DNAH6: variants seen among roughly 807,000 people sequenced by gnomAD.
DNAH6 encodes dynein axonemal heavy chain 6.
DNAH6 carries 340 observed loss-of-function variants against 491.4 expected under a neutral mutation model. The ratio of observed to expected loss-of-function variants is 0.69; its 90% CI spans 0.63 to 0.76. The LOEUF (loss-of-function observed/expected upper bound fraction) is 0.76. DNAH6 is among the 30% of genes least tolerant of loss of function. The probability of loss-of-function intolerance (pLI) is 0.00; values close to 1 mark genes in which losing one functional copy is unlikely to be tolerated. For synonymous variants in DNAH6, 1,603 were observed against 1,686.1 expected (o/e 0.95, Z 1.21); for missense variants, 4,443 against 4,972.2 (o/e 0.89, Z 3.20).
At chr2:84,799,146 C>G (rs565887576) in intron 70 of DNAH6, among the ~76,000 whole-genome samples, 1 of 152,252 alleles carries the variant, frequency 6.6e-6, no homozygotes, top group African/African-American at 2.4e-5. Context: ...TGTCATCATG[C>G]CCAGCTAATT....
chr2:84,572,817 G>A (rs1258848465), intron 11 of DNAH6, among the ~76,000 whole-genome samples: 1 of 152,200 alleles, frequency 6.6e-6, no homozygotes, highest in East Asian at 1.9e-4. Flanking sequence ...CCAACAGCAA[G>A]TGAATCCTAA....
At chr2:84,480,585 CAACA>C in the DNAH6 span, among the ~76,000 whole-genome samples, 1 of 152,178 alleles carries the variant, frequency 6.6e-6, no homozygotes. Context: ...AGTAAATACT[CAACA>C]GATGTAGACC....
In DNAH6 at chr2:84,715,637, CAG is replaced by C. The variant is rs775964534; in HGVS notation, c.9611+11_9611+12del. 1.5e-5 allele frequency: 23 copies of C among 1,550,492 alleles called. No homozygotes were observed. In the South Asian group the frequency reaches 2.3e-4, roughly 15 times the overall value. The stretch of plus-strand genomic sequence containing the variant: ...AGGATCAGTTGTTAAGGTAAAAAAA[CAG>C]GGAGTTGAGGGGAGGGAAGGGGGTA... On this transcript the variant is annotated intron_variant, in intron 58 of 76. Coordinates refer to ENST00000389394, the MANE Select transcript of DNAH6 (RefSeq NM_001370.2).
At chr2:84,654,244 G>C (rs1028801687) in intron 34 of DNAH6, among the ~76,000 whole-genome samples, 1 of 152,098 alleles carries the variant, frequency 6.6e-6, no homozygotes, top group African/African-American at 2.4e-5. Flanking sequence ...TTTGATGAGG[G>C]ATTGGGAGAG....
At chr2:84,658,248 A>G (rs1434009820) in intron 35 of DNAH6, 44 bp from the exon 36 acceptor site, 2 of 1,311,242 alleles carry the variant, frequency 1.5e-6, no homozygotes, top group Non-Finnish European at 2.0e-6. Context: ...ACTTAATTAT[A>G]TATTTATCAG....
At position 84,723,165 on chromosome 2, in the gene DNAH6, T is replaced by C. The variant is rs1698322342; in HGVS notation, c.9972+361T>C. On this transcript the variant is annotated intron_variant, in intron 60 of 76. Transcript: ENST00000389394. ...ATTGCTTAAACCCAGGAGGTGGATG[T>C]TTCAATGAGCCAAGATCGTGCCACT... Among the ~76,000 whole-genome samples the C allele has an allele frequency of 2.0e-5, 3 of 152,216 alleles. 1 individual carries two copies. The highest frequency in any genetic ancestry group is 3.4e-3 in the Middle Eastern group (1 of 294).
chr2:84,496,865 C>A, the DNAH6 span, among the ~76,000 whole-genome samples: 1 of 152,106 alleles, frequency 6.6e-6, no homozygotes, highest in Non-Finnish European at 1.5e-5. Context: ...AGTTAATCTC[C>A]TACCCCTCTC....
the DNAH6 span, among the ~76,000 whole-genome samples, chr2:84,462,280 TGA>T: frequency 3.5e-4 from 54 of 152,358 alleles, no homozygotes; most frequent in Non-Finnish European, 5.9e-5. Context: ...AGTGGAAGGC[TGA>T]TCAAGGACTC....
At chr2:84,714,535 T>C (rs182361100) in intron 57 of DNAH6, among the ~76,000 whole-genome samples, 176 of 152,218 alleles carry the variant, frequency 1.2e-3, no homozygotes, top group African/African-American at 4.1e-3. Context: ...AGATTTAGTA[T>C]ATAATAGTGC....
intron 64 of DNAH6, among the ~76,000 whole-genome samples, chr2:84,767,957 A>T (rs545579360): frequency 1.2e-4 from 19 of 152,316 alleles, no homozygotes; most frequent in Middle Eastern, 3.4e-3. Context: ...CTGCAGAAAT[A>T]ATGAAATCTG....
At chr2:84,573,023 C>T (rs2103943716) in intron 11 of DNAH6, among the ~76,000 whole-genome samples, 1 of 152,234 alleles carries the variant, frequency 6.6e-6, no homozygotes, top group Middle Eastern at 3.4e-3. Context: ...AAGAGACTGG[C>T]CAATGCCAAA....
chr2:84,711,921 A>G (rs949662758), intron 56 of DNAH6, among the ~76,000 whole-genome samples: 3 of 152,238 alleles, frequency 2.0e-5, no homozygotes, highest in African/African-American at 7.2e-5. Flanking sequence ...ATCCTGAGGG[A>G]CTTTCCTCTT....
chr2:84,763,030 G>A, intron 64 of DNAH6, 85 bp downstream of exon 64: 2 of 992,350 alleles, frequency 2.0e-6, no homozygotes, highest in Middle Eastern at 2.1e-4. Context: ...TCCCCTTGTA[G>A]AGCATAAATT....
At chr2:84,663,365 T>G (rs1444832302) in intron 37 of DNAH6, among the ~76,000 whole-genome samples, 1 of 152,052 alleles carries the variant, frequency 6.6e-6, no homozygotes, top group African/African-American at 2.4e-5. Flanking sequence ...ATTAGACAAA[T>G]GACTGACTAG....
chr2:84,793,264 A>C (rs1209389637), intron 68 of DNAH6, among the ~76,000 whole-genome samples: 2 of 152,182 alleles, frequency 1.3e-5, no homozygotes, highest in Non-Finnish European at 2.9e-5. Context: ...TTCTAAGAAG[A>C]CCAAAGCCAG....
the DNAH6 span, among the ~76,000 whole-genome samples, chr2:84,509,691 A>G: frequency 1.3e-5 from 2 of 152,154 alleles, no homozygotes; most frequent in East Asian, 1.9e-4. Context: ...ACAATTTGGC[A>G]TGTCTTTGCA....
At chr2:84,735,142 C>G (rs1699433028) in intron 62 of DNAH6, among the ~76,000 whole-genome samples, 1 of 152,152 alleles carries the variant, frequency 6.6e-6, no homozygotes, top group Non-Finnish European at 1.5e-5. Flanking sequence ...TAAGTGAGAC[C>G]ATACAGTATT....
rs1167240170 is a variant in DNAH6 at position 84,668,836 on chromosome 2, GTGTGTGTGTGTGTGTGTGTGTA to G, written c.6085-450_6085-429del. Among the ~76,000 whole-genome samples, 26 of 62,082 alleles carry G rather than the reference GTGTGTGTGTGTGTGTGTGTGTA, an allele frequency of 4.2e-4. 1 individual carries two copies. Among genetic ancestry groups the G allele is most frequent in the Admixed American group, 3.0e-3 (15 of 5,030 alleles). 40.7% of individuals were successfully genotyped at this position (62,082 alleles called of 152,430 possible). ...TGTGTGTGTGTGTGTGTGTGTGTGT[GTGTGTGTGTGTGTGTGTGTGTA>G]TGATTGTAATAAACTCCTTTAGAGC... On this transcript the variant is annotated intron_variant, in intron 37 of 76. Transcript: ENST00000389394.
At chr2:84,684,264 A>G (rs1451304298) in intron 42 of DNAH6, among the ~76,000 whole-genome samples, 1 of 152,222 alleles carries the variant, frequency 6.6e-6, no homozygotes, top group East Asian at 1.9e-4. Context: ...AGACTCACTG[A>G]TCCTCAGACA....
Sources: gnomAD v4.1 joint callset for allele counts (sites outside exome capture counted in the v4.1 genomes callset) on GRCh38, gnomAD v4.1.1 for gene constraint, MANE v1.5 for transcripts, NCBI Gene and HGNC (gene_info 2026-07-23, HGNC 2026-07-21) for gene names.